AEBP2: variants seen among roughly 807,000 people sequenced by gnomAD.
AEBP2 encodes AE binding protein 2, also known as zinc finger protein AEBP2.
Under a neutral mutation model 50.8 loss-of-function variants are expected in AEBP2, and 10 were observed. That is an observed-to-expected ratio of 0.20 (90% confidence interval 0.12 to 0.33). The LOEUF (loss-of-function observed/expected upper bound fraction) is 0.33. AEBP2 is among the 10% of genes least tolerant of loss of function. The probability of loss-of-function intolerance (pLI) is 1.00; values close to 1 mark genes in which losing one functional copy is unlikely to be tolerated. For synonymous variants in AEBP2, 296 were observed against 261.3 expected, an observed-to-expected ratio of 1.13 and a Z score of -1.28; for missense variants, 570 against 688.0, an observed-to-expected ratio of 0.83 and a Z score of 1.92.
At chr12:19,456,600 A>G in intron 1 of AEBP2, 1 of 1,530,822 alleles carries the variant, frequency 6.5e-7, no homozygotes, top group Non-Finnish European at 9.0e-7. Context: ...GTTCAGGATA[A>G]TCACCTGAGC....
intron 1 of AEBP2, among the ~76,000 whole-genome samples, chr12:19,406,302 T>C (rs11612150): frequency 1.3e-5 from 2 of 152,186 alleles, no homozygotes; most frequent in African/African-American, 2.4e-5. Context: ...GTCCATAGTT[T>C]ACATTAGGGC....
At chr12:19,508,973 C>G (rs1291674354) in intron 5 of AEBP2, 11 of 508,574 alleles carry the variant, frequency 2.2e-5, no homozygotes, top group Non-Finnish European at 2.6e-5. Flanking sequence ...AAGTCTGTCC[C>G]AGACCCTTGG....
chr12:19,492,742 G>A (rs907251476), intron 3 of AEBP2, among the ~76,000 whole-genome samples: 2 of 152,134 alleles, frequency 1.3e-5, no homozygotes, highest in African/African-American at 2.4e-5. Flanking sequence ...CTAGGCAAAT[G>A]GATGGTTTGA....
At chr12:19,445,077 A>G (rs374561765) in intron 1 of AEBP2, among the ~76,000 whole-genome samples, 24 of 152,064 alleles carry the variant, frequency 1.6e-4, no homozygotes, top group East Asian at 3.9e-4. Flanking sequence ...AAGGGGGACA[A>G]TAATGGTTCC....
chr12:19,439,193 C>G (rs1250084840), upstream of AEBP2, among the ~76,000 whole-genome samples: 1 of 152,218 alleles, frequency 6.6e-6, no homozygotes, highest in East Asian at 1.9e-4. Context: ...CTATTCCTGG[C>G]TCAGCTCCTG....
intron 1 of AEBP2, chr12:19,440,850 A>G (rs1192412288): frequency 4.0e-6 from 5 of 1,239,850 alleles, no homozygotes; most frequent in East Asian, 5.1e-5. Context: ...GACCCCAGCT[A>G]TCACTTTTCT....
intron 1 of AEBP2, among the ~76,000 whole-genome samples, chr12:19,453,849 G>A (rs1017582679): frequency 5.9e-5 from 9 of 151,588 alleles, no homozygotes; most frequent in Non-Finnish European, 8.8e-5. Flanking sequence ...GCTGGAGTGC[G>A]GTGGAGGCGG....
chr12:19,483,462 A>G (rs1592756724), intron 3 of AEBP2, among the ~76,000 whole-genome samples: 2 of 152,064 alleles, frequency 1.3e-5, no homozygotes, highest in South Asian at 4.1e-4. Context: ...GCAGCAGTGT[A>G]CCGCTTCTTT....
At chr12:19,444,559 G>C (rs2029599) in intron 1 of AEBP2, among the ~76,000 whole-genome samples, 128,557 of 152,254 alleles carry the variant, frequency 0.84, 54,537 homozygotes, top group African/African-American at 0.91. Context: ...CAGACCTGGC[G>C]CAAATCTTAA....
chr12:19,459,850 C>T (rs569884342), intron 1 of AEBP2, among the ~76,000 whole-genome samples: 1 of 152,190 alleles, frequency 6.6e-6, no homozygotes, highest in Non-Finnish European at 1.5e-5. Context: ...CTGAAGCATC[C>T]TACAAAAATA....
intron 1 of AEBP2, among the ~76,000 whole-genome samples, chr12:19,405,276 A>G (rs951249637): frequency 6.7e-6 from 1 of 150,192 alleles, no homozygotes; most frequent in African/African-American, 2.4e-5. Context: ...CAAATTGCTT[A>G]TTTACTTCTC....
intron 1 of AEBP2, among the ~76,000 whole-genome samples, chr12:19,453,135 A>AT (rs1209425434): frequency 2.6e-5 from 4 of 151,374 alleles, no homozygotes; most frequent in Non-Finnish European, 5.9e-5. Flanking sequence ...GCCCCGGATG[A>AT]TTTTTTTGTA....
chr12:19,426,629 C>T (rs1387880927), intron 1 of AEBP2, among the ~76,000 whole-genome samples: 1 of 152,044 alleles, frequency 6.6e-6, no homozygotes, highest in Non-Finnish European at 1.5e-5. Flanking sequence ...TCTGGCCAGG[C>T]GTGGTGACTC....
chr12:19,489,045 T>C (rs965671872), intron 3 of AEBP2, among the ~76,000 whole-genome samples: 3 of 152,148 alleles, frequency 2.0e-5, no homozygotes, highest in African/African-American at 7.2e-5. Flanking sequence ...TGCCTCGGCC[T>C]GCCAGAGTGC....
intron 1 of AEBP2, 47 bp from the exon 2 acceptor site, chr12:19,462,463 G>A (rs768978032): frequency 2.8e-6 from 4 of 1,428,036 alleles, no homozygotes; most frequent in South Asian, 1.2e-5. Context: ...TCATATTCAT[G>A]TTAGTGAATT....
At chr12:19,503,826 T>C (rs932452764) in intron 5 of AEBP2, among the ~76,000 whole-genome samples, 1 of 152,064 alleles carries the variant, frequency 6.6e-6, no homozygotes, top group Non-Finnish European at 1.5e-5. Context: ...CCTACTGATA[T>C]CCTTTGTCTT....
At chr12:19,514,129 T>C (rs1182305904) in intron 6 of AEBP2, among the ~76,000 whole-genome samples, 1 of 151,792 alleles carries the variant, frequency 6.6e-6, no homozygotes, top group Non-Finnish European at 1.5e-5. Context: ...TCTCCGGAGT[T>C]GATGGGAATA....
chr12:19,474,629 T>C (rs1046472546), intron 3 of AEBP2, among the ~76,000 whole-genome samples: 4 of 152,204 alleles, frequency 2.6e-5, no homozygotes, highest in African/African-American at 9.6e-5. Flanking sequence ...TTAAATACTG[T>C]CTGTGCCTTG....
intron 6 of AEBP2, 114 bp downstream of exon 6, chr12:19,512,579 C>A: frequency 1.4e-6 from 1 of 734,424 alleles, no homozygotes. Flanking sequence ...CATTTTACAA[C>A]GTTTTGAGGT....
Sources: gnomAD v4.1 joint callset for allele counts (sites outside exome capture counted in the v4.1 genomes callset) on GRCh38, gnomAD v4.1.1 for gene constraint, MANE v1.5 for transcripts, NCBI Gene and HGNC (gene_info 2026-07-23, HGNC 2026-07-21) for gene names.